The following ZMYM2 variants were observed in gnomAD, a reference collection of about 807,000 sequenced individuals.
ZMYM2 encodes zinc finger MYM-type protein 2.
A neutral mutation model predicts 162.8 loss-of-function variants in ZMYM2; 56 were observed. That is an observed-to-expected ratio of 0.34 (90% CI 0.28 to 0.43). The LOEUF is 0.43. Among genes scored for constraint, ZMYM2 ranks in the 20% least tolerant of loss-of-function variants. The pLI, the probability that ZMYM2 is intolerant of heterozygous loss-of-function variation, is 1.00. For missense variants in ZMYM2, 1,275 were observed against 1,621.8 expected (o/e 0.79, Z 3.67); for synonymous variants, 510 against 541.6 (o/e 0.94, Z 0.81).
chr13:20,023,469 A>G lies in ZMYM2; in HGVS notation c.1585-3143A>G, dbSNP rs114722851. Among the ~76,000 whole-genome samples, 678 of 152,310 alleles carry G rather than the reference A, an allele frequency of 4.5e-3. 4 individuals are homozygous for G. Among genetic ancestry groups the G allele is most frequent in the African/African-American group, 0.016 (655 of 41,578 alleles). On this transcript the variant is annotated intron_variant, in intron 7 of 24. Transcript: ENST00000610343. ...GTTGTAAAATCGTGACAGTTTTGAC[A>G]TTCACGTGAAATTGGTTAAAATTAA...
upstream of ZMYM2, among the ~76,000 whole-genome samples, chr13:19,957,800 GCCCAGCTCCAGGGGAGCC>G (rs1262916014): frequency 3.3e-5 from 5 of 152,222 alleles, no homozygotes; most frequent in Non-Finnish European, 5.9e-5. Context: ...ACCGGTGGGA[GCCCAGCTCCAGGGGAGCC>G]CGCAGCTCCC....
chr13:19,947,120 C>G, the ZMYM2 span, among the ~76,000 whole-genome samples: 1 of 152,016 alleles, frequency 6.6e-6, no homozygotes, highest in Admixed American at 6.6e-5. Context: ...CGGCTCACTG[C>G]AAGCTCCGCC....
intron 3 of ZMYM2, among the ~76,000 whole-genome samples, chr13:20,000,728 G>GGA (rs1275925396): frequency 7.2e-5 from 11 of 152,236 alleles, no homozygotes; most frequent in African/African-American, 2.7e-4. Context: ...AGATGTACAA[G>GGA]GAGATGAGTG....
At chr13:19,957,421 A>C (rs1341121215), upstream of ZMYM2, among the ~76,000 whole-genome samples, 1 of 152,252 alleles carries the variant, frequency 6.6e-6, no homozygotes, top group Non-Finnish European at 1.5e-5. Flanking sequence ...CCAGGGCGAG[A>C]CGAAAGCGAC....
chr13:19,954,042 A>G (rs1237592343), upstream of ZMYM2, among the ~76,000 whole-genome samples: 1 of 151,486 alleles, frequency 6.6e-6, no homozygotes, highest in Non-Finnish European at 1.5e-5. Context: ...GTGCTGATGT[A>G]CAATGCATAT....
At chr13:20,051,074 G>A (rs1196482676) in intron 12 of ZMYM2, among the ~76,000 whole-genome samples, 1 of 151,932 alleles carries the variant, frequency 6.6e-6, no homozygotes, top group African/African-American at 2.4e-5. Context: ...ACTCATAAAT[G>A]TTCAATGTAA....
the ZMYM2 span, among the ~76,000 whole-genome samples, chr13:19,930,357 C>T: frequency 4.6e-5 from 7 of 151,966 alleles, no homozygotes; most frequent in South Asian, 6.2e-4. Context: ...GCTGAGATCA[C>T]GCCACTGCAC....
chr13:20,003,107 C>T lies in ZMYM2; in HGVS notation c.1105C>T (p.Pro369Ser). Residue 369 changes from proline to serine, a missense_variant, in exon 4 of 25, where the codon CCA becomes TCA. Physicochemically the swap from Pro to Ser is moderately conservative, Grantham distance 74 (BLOSUM62 -1). Coordinates refer to ENST00000610343, the MANE Select transcript of ZMYM2 (RefSeq NM_197968.4). The part of the protein sequence containing the change: ...CLSSFSHKPA[P>S]KKLCVMCKKD... Reference sequence around the variant, plus strand: ...TTCTTCCTTCTCCCACAAGCCTGCTCCAAAGAAACTCTGTGTTATGTGTAA... The same window carrying T: ...TTCTTCCTTCTCCCACAAGCCTGCTTCAAAGAAACTCTGTGTTATGTGTAA... The T allele has an allele frequency of 3.7e-6, 6 of 1,614,132 alleles. No individual in the cohort carries two copies. Among genetic ancestry groups the T allele is most frequent in the Non-Finnish European group, 5.1e-6 (6 of 1,180,010 alleles).
the ZMYM2 span, among the ~76,000 whole-genome samples, chr13:19,878,577 A>G: frequency 7.4e-6 from 1 of 135,404 alleles, no homozygotes; most frequent in Admixed American, 8.3e-5. Flanking sequence ...GCTGGAGTAC[A>G]GTGGCACCAT....
intron 16 of ZMYM2, 78 bp from the exon 17 acceptor site, chr13:20,060,975 G>T: frequency 7.4e-7 from 1 of 1,356,354 alleles, no homozygotes; most frequent in East Asian, 2.5e-5. Flanking sequence ...AGTAGATCAT[G>T]TGTCAGAGTA....
rs771879493 is a variant in ZMYM2, at chr13:20,031,305, G to T, written c.1852-14G>T. 1 of 1,573,816 alleles carries T rather than the reference G, an allele frequency of 6.4e-7. No homozygotes were observed. The highest frequency in any genetic ancestry group is 8.7e-7 in the Non-Finnish European group (1 of 1,154,850). On this transcript the variant is annotated splice_polypyrimidine_tract_variant and intron_variant, in intron 9 of 24. Coordinates refer to ENST00000610343, the MANE Select transcript of ZMYM2 (RefSeq NM_197968.4). ...ATACATGTCAGGCTTAGTATCTTTT[G>T]TTCTTTGTTTTAGGCTCTAAGTATG...
chr13:20,085,605 T>A (rs1958210591), intron 24 of ZMYM2, among the ~76,000 whole-genome samples: 1 of 152,202 alleles, frequency 6.6e-6, no homozygotes, highest in South Asian at 2.1e-4. Flanking sequence ...TGATAGTGTC[T>A]TGGATTTAGT....
At chr13:20,071,198 A>G (rs1024536048) in intron 21 of ZMYM2, among the ~76,000 whole-genome samples, 2 of 152,066 alleles carry the variant, frequency 1.3e-5, no homozygotes, top group African/African-American at 4.8e-5. Context: ...AATTCTCCTG[A>G]GGAGGCTGGC....
intron 17 of ZMYM2, among the ~76,000 whole-genome samples, chr13:20,062,321 C>T (rs1474909416): frequency 1.3e-5 from 2 of 152,148 alleles, no homozygotes; most frequent in Admixed American, 6.5e-5. Flanking sequence ...ATACAGATGT[C>T]TTTCTGTTCC....
At chr13:19,963,411 A>G (rs893862762) in intron 2 of ZMYM2, among the ~76,000 whole-genome samples, 5 of 152,230 alleles carry the variant, frequency 3.3e-5, no homozygotes, top group African/African-American at 1.2e-4. Context: ...GTTGTCAATG[A>G]GAAAAATTGC....
intron 21 of ZMYM2, among the ~76,000 whole-genome samples, chr13:20,073,285 C>A (rs973449843): frequency 1.2e-4 from 18 of 152,084 alleles, no homozygotes; most frequent in Admixed American, 1.0e-3. Context: ...ATAATTTAGG[C>A]CTTGCAGACC....
At chr13:20,039,532 G>GGC (rs917869061) in intron 12 of ZMYM2, among the ~76,000 whole-genome samples, 4 of 149,598 alleles carry the variant, frequency 2.7e-5, no homozygotes, top group African/African-American at 9.9e-5. Context: ...GGAGTGCAGT[G>GGC]GCGCCATCTT....
chr13:19,923,189 TA>T, the ZMYM2 span, among the ~76,000 whole-genome samples: 1 of 42,850 alleles, frequency 2.3e-5, no homozygotes, highest in South Asian at 7.0e-4. Context: ...CTACTAAATA[TA>T]CAAAAAAAAA....
At chr13:19,930,477 T>G in the ZMYM2 span, among the ~76,000 whole-genome samples, 2 of 151,988 alleles carry the variant, frequency 1.3e-5, no homozygotes, top group African/African-American at 4.8e-5. Context: ...CTGAAGTACT[T>G]GTGGTTGTGC....
Sources: gnomAD v4.1 joint callset for allele counts (sites outside exome capture counted in the v4.1 genomes callset) on GRCh38, gnomAD v4.1.1 for gene constraint, MANE v1.5 for transcripts, NCBI Gene and HGNC (gene_info 2026-07-23, HGNC 2026-07-21) for gene names.